MEI1: variants seen among roughly 807,000 people sequenced by gnomAD.
The protein encoded by MEI1 is meiosis inhibitor protein 1.
MEI1 carries 103 observed loss-of-function variants against 146.2 expected under a neutral mutation model. The observed-to-expected ratio is 0.70, with a 90% CI of 0.60 to 0.83. The LOEUF is 0.83. Ranked by LOEUF, MEI1 falls within the 40% of genes least tolerant of loss-of-function variation. The pLI is 0.00. For missense variants in MEI1, 1,529 were observed against 1,533.0 expected, an observed-to-expected ratio of 1.00 and a Z score of 0.04; for synonymous variants, 652 against 628.2, an observed-to-expected ratio of 1.04 and a Z score of -0.57.
intron 3 of MEI1, among the ~76,000 whole-genome samples, chr22:41,712,138 A>G (rs1205793962): frequency 7.9e-6 from 1 of 127,044 alleles, no homozygotes; most frequent in Non-Finnish European, 1.6e-5. Context: ...CAGGAGGCAG[A>G]AGTTGCAGTG....
At chr22:41,785,918 T>TTA (rs1415481061) in intron 26 of MEI1, among the ~76,000 whole-genome samples, 2 of 142,840 alleles carry the variant, frequency 1.4e-5, no homozygotes, top group African/African-American at 5.1e-5. Context: ...TTATTTTATT[T>TTA]TTTTTTTTTT....
intron 6 of MEI1, 53 bp downstream of exon 6, chr22:41,718,327 A>T: frequency 1.3e-6 from 2 of 1,546,614 alleles, no homozygotes; most frequent in Non-Finnish European, 1.8e-6. Context: ...ACATTTTGCT[A>T]GAAGACTTGA....
At chr22:41,746,434 T>G (rs957617272) in intron 14 of MEI1, among the ~76,000 whole-genome samples, 1 of 152,164 alleles carries the variant, frequency 6.6e-6, no homozygotes, top group African/African-American at 2.4e-5. Context: ...TGACTTCAGG[T>G]CCCCTAGCTT....
chr22:41,743,634 C>G (rs935793501), intron 12 of MEI1, among the ~76,000 whole-genome samples: 3 of 152,178 alleles, frequency 2.0e-5, no homozygotes, highest in Non-Finnish European at 2.9e-5. Context: ...AGCCTGTAGA[C>G]TTAAGATATC....
intron 30 of MEI1, among the ~76,000 whole-genome samples, chr22:41,796,861 C>T (rs184032992): frequency 6.6e-5 from 10 of 152,152 alleles, no homozygotes; most frequent in African/African-American, 1.7e-4. Flanking sequence ...GCACAAGAAT[C>T]GCTTGAATCG....
At chr22:41,706,350 T>G (rs1360972896) in intron 3 of MEI1, among the ~76,000 whole-genome samples, 1 of 152,122 alleles carries the variant, frequency 6.6e-6, no homozygotes, top group Non-Finnish European at 1.5e-5. Flanking sequence ...TACTCTGTGC[T>G]AGATACTGGA....
chr22:41,780,055 G>C (rs5758466), intron 22 of MEI1, among the ~76,000 whole-genome samples: 14 of 152,008 alleles, frequency 9.2e-5, no homozygotes, highest in African/African-American at 3.4e-4. Flanking sequence ...CACTGGGGAC[G>C]CATTGCAGAT....
At chr22:41,718,333 C>T (rs529335088) in intron 6 of MEI1, 59 bp downstream of exon 6, 296 of 1,535,076 alleles carry the variant, frequency 1.9e-4, no homozygotes, top group Non-Finnish European at 2.4e-4. Context: ...TGCTAGAAGA[C>T]TTGAGATATT....
Position 41,708,647 on chromosome 22 carries a change from T to C in MEI1, c.349+3093T>C, listed in dbSNP as rs556750886. 2.0e-5 allele frequency among the ~76,000 whole-genome samples: 3 copies of C among 152,344 alleles called. No individual in the cohort carries two copies. The South Asian group carries it at 6.2e-4, about 32-fold the overall frequency. ...GGGTTGACATTTCACATTTAGCATG[T>C]TGTTTAACAACTTTAAACAAGCCGA... On this transcript the variant is annotated intron_variant, in intron 3 of 30. Coordinates refer to ENST00000401548, the MANE Select transcript of MEI1 (RefSeq NM_152513.4).
intron 12 of MEI1, among the ~76,000 whole-genome samples, chr22:41,744,036 C>T (rs772671313): frequency 2.6e-5 from 4 of 151,898 alleles, no homozygotes; most frequent in Non-Finnish European, 2.9e-5. Flanking sequence ...ACCACCACAC[C>T]TGGCTAATTT....
At chr22:41,705,085 C>T (rs1047834679) in intron 2 of MEI1, among the ~76,000 whole-genome samples, 9 of 152,042 alleles carry the variant, frequency 5.9e-5, no homozygotes, top group African/African-American at 2.2e-4. Context: ...TAGAATTTAG[C>T]TGGAACATTG....
rs958237665 is a variant in MEI1, at chr22:41,718,324, G to A, written c.733+50G>A. 5.1e-6 allele frequency: 8 copies of A among 1,566,944 alleles called. No individual in the cohort carries two copies. The Admixed American group carries it at 1.5e-4, about 29-fold the overall frequency. ...AGGGAGAATAAGTTTTTGACATTTTGCTAGAAGACTTGAGATATTGGGTTC... is the reference window on the plus strand; with the variant it reads ...AGGGAGAATAAGTTTTTGACATTTTACTAGAAGACTTGAGATATTGGGTTC... On this transcript the variant is annotated intron_variant, in intron 6 of 30. Coordinates refer to ENST00000401548, the MANE Select transcript of MEI1 (RefSeq NM_152513.4).
chr22:41,716,176 A>G, intron 5 of MEI1, 30 bp downstream of exon 5: 1 of 1,442,000 alleles, frequency 6.9e-7, no homozygotes, highest in Admixed American at 1.9e-5. Context: ...AGCTGCCACT[A>G]CCCTTTTACC....
At chr22:41,783,057 C>T (rs2075822387) in intron 24 of MEI1, among the ~76,000 whole-genome samples, 1 of 152,202 alleles carries the variant, frequency 6.6e-6, no homozygotes, top group African/African-American at 2.4e-5. Flanking sequence ...TGGCCCTCTG[C>T]AGCCTTACTT....
At chr22:41,713,454 C>G (rs886573889) in intron 3 of MEI1, among the ~76,000 whole-genome samples, 1 of 147,592 alleles carries the variant, frequency 6.8e-6, no homozygotes, top group African/African-American at 2.5e-5. Context: ...ATGACCCTGT[C>G]TCTAAACAAA....
chr22:41,759,711 C>T (rs192500978), intron 18 of MEI1, among the ~76,000 whole-genome samples: 3 of 152,100 alleles, frequency 2.0e-5, no homozygotes, highest in African/African-American at 4.8e-5. Flanking sequence ...CGCCTGTAGT[C>T]CCAGCTACTC....
chr22:41,795,237 C>T lies in MEI1; in HGVS notation c.3535-174C>T, dbSNP rs543126436. Among the ~76,000 whole-genome samples the T allele has an allele frequency of 6.6e-6, 1 of 152,242 alleles. No individual in the cohort carries two copies. Among genetic ancestry groups the T allele is most frequent in the East Asian group, 1.9e-4 (1 of 5,172 alleles). The stretch of plus-strand genomic sequence containing the variant: ...AGGATCTCACAGGTTGCCTTACTTA[C>T]CCCACTTCCCCATGACACAGTCCCA... On this transcript the variant is annotated intron_variant, in intron 28 of 30. Transcript: ENST00000401548. The surrounding 1 kb of genome is among the most constrained non-coding windows in gnomAD (Gnocchi z 4.2).
chr22:41,767,664 C>A (rs763477275), intron 19 of MEI1: 2 of 451,632 alleles, frequency 4.4e-6, no homozygotes, highest in Non-Finnish European at 9.0e-6. Flanking sequence ...AACATTTCAG[C>A]TACTCAACCA....
intron 6 of MEI1, 51 bp from the exon 7 acceptor site, chr22:41,723,892 T>G: frequency 6.4e-7 from 1 of 1,555,708 alleles, no homozygotes; most frequent in Admixed American, 1.9e-5. Context: ...TTGGGAGTAC[T>G]CTGGTGCCTG....
Sources: gnomAD v4.1 joint callset for allele counts (sites outside exome capture counted in the v4.1 genomes callset) on GRCh38, gnomAD v4.1.1 for gene constraint, Gnocchi (gnomAD v3.1) non-coding constraint, MANE v1.5 for transcripts, NCBI Gene and HGNC (gene_info 2026-07-23, HGNC 2026-07-21) for gene names.